BMP7: variants seen among roughly 807,000 people sequenced by gnomAD.
BMP7 encodes bone morphogenetic protein 7.
In BMP7, 12 loss-of-function variants were observed where a neutral mutation model predicts 41.2. That is an observed-to-expected ratio of 0.29 (90% CI 0.19 to 0.47). BMP7 has a LOEUF of 0.47. BMP7 is among the 20% of genes least tolerant of loss of function. BMP7 has a pLI of 0.99. For synonymous variants in BMP7, 248 were observed against 250.0 expected, an observed-to-expected ratio of 0.99 and a Z score of 0.07; for missense variants, 467 against 606.0, an observed-to-expected ratio of 0.77 and a Z score of 2.41.
intron 2 of BMP7, among the ~76,000 whole-genome samples, chr20:57,218,418 T>TTGTTTGGTGGTAGCTGGTGTG (rs1985084812): frequency 6.8e-6 from 1 of 146,798 alleles, no homozygotes; most frequent in Non-Finnish European, 1.5e-5. Flanking sequence ...TAGCTGGTGT[T>TTGTTTGGTGGTAGCTGGTGTG]TGTTTGGTGG....
intron 4 of BMP7, 56 bp from the exon 5 acceptor site, chr20:57,175,063 C>T: frequency 6.5e-7 from 1 of 1,532,898 alleles, no homozygotes; most frequent in Non-Finnish European, 8.9e-7. Context: ...GAAACACACA[C>T]ACATCAAAGT....
rs1474279319 is a variant in BMP7, at chr20:57,261,200, G to T, written c.418+4505C>A. ...GCTGTGTTTATCTCGGCAAAGGCTTGAGAGCCTACTACGCCATGGTAAAGC... is the reference window on the plus strand; with the variant it reads ...GCTGTGTTTATCTCGGCAAAGGCTTTAGAGCCTACTACGCCATGGTAAAGC... On this transcript the variant is annotated intron_variant, in intron 1 of 6. Transcript: ENST00000395863. The surrounding 1 kb of genome is among the most constrained non-coding windows in gnomAD (Gnocchi z 4.1). Among the ~76,000 whole-genome samples the T allele has an allele frequency of 2.0e-5, 3 of 152,148 alleles. No homozygotes were observed. Among genetic ancestry groups the T allele is most frequent in the Admixed American group, 1.3e-4 (2 of 15,280 alleles).
chr20:57,198,139 C>G (rs890995659), intron 3 of BMP7, among the ~76,000 whole-genome samples: 1 of 140,876 alleles, frequency 7.1e-6, no homozygotes, highest in Non-Finnish European at 1.6e-5. Flanking sequence ...CCTCTCCTCT[C>G]GCTCTCCTCT....
chr20:57,176,749 TTCACACACACAC>T (rs1181184883), intron 4 of BMP7, among the ~76,000 whole-genome samples: 1 of 28,132 alleles, frequency 3.6e-5, no homozygotes, highest in Non-Finnish European at 8.4e-5. Flanking sequence ...ACATTCTCCA[TTCACACACACAC>T]ACACACACAC....
intron 3 of BMP7, among the ~76,000 whole-genome samples, chr20:57,192,092 A>G (rs1984375337): frequency 8.1e-6 from 1 of 124,178 alleles, no homozygotes; most frequent in Admixed American, 9.1e-5. Context: ...ATTTATTTAT[A>G]TTTATAAATT....
intron 1 of BMP7, among the ~76,000 whole-genome samples, chr20:57,242,597 T>A (rs1163815945): frequency 2.6e-5 from 4 of 152,242 alleles, no homozygotes; most frequent in African/African-American, 9.6e-5. Flanking sequence ...GGAGGCTCTA[T>A]CTGTGCTGTC....
intron 2 of BMP7, among the ~76,000 whole-genome samples, chr20:57,209,402 G>A (rs1041363296): frequency 6.6e-6 from 1 of 151,124 alleles, no homozygotes. Flanking sequence ...CTGTGATCAC[G>A]CTATTGCACT....
intron 3 of BMP7, among the ~76,000 whole-genome samples, chr20:57,196,034 T>G (rs919147303): frequency 1.3e-5 from 2 of 152,122 alleles, no homozygotes; most frequent in Non-Finnish European, 2.9e-5. Flanking sequence ...CCGATCATCT[T>G]CTTGGATCTG....
At chr20:57,193,437 A>C (rs1180712288) in intron 3 of BMP7, among the ~76,000 whole-genome samples, 1 of 152,152 alleles carries the variant, frequency 6.6e-6, no homozygotes, top group African/African-American at 2.4e-5. Context: ...CAGTAGTGCC[A>C]AGGCTGGGAA....
chr20:57,266,522 C>A lies in BMP7; in HGVS notation c.-400G>T. ...TTCCCGCTCCTCTGGCGCTCTCGCC[C>A]TCGGGCGGCGGCAACCCACCCTCTT... On this transcript the variant is annotated 5_prime_UTR_variant, in exon 1 of 7. In the 5' UTR this introduces an upstream ATG that the reference lacks. Coordinates refer to ENST00000395863, the MANE Select transcript of BMP7 (RefSeq NM_001719.3). The A allele has an allele frequency of 6.4e-6, 1 of 156,792 alleles. No individual in the cohort carries two copies. Among genetic ancestry groups the A allele is most frequent in the Non-Finnish European group, 1.4e-5 (1 of 71,096 alleles). The allele number at this position is 156,792 out of a possible 1,614,324, so 9.7% of individuals were successfully genotyped here.
rs140073062 is a variant in BMP7, at chr20:57,187,554, CCTCTCTCT to C, written c.761-3643_761-3636del. ...CTCTAGTGTCCAGAAGGAAGCCTGC[CCTCTCTCT>C]CTCTCTCTCTCTCTCTCTCTCTACA... On this transcript the variant is annotated intron_variant, in intron 3 of 6. Coordinates refer to ENST00000395863, the MANE Select transcript of BMP7 (RefSeq NM_001719.3). Among the ~76,000 whole-genome samples the C allele has an allele frequency of 2.7e-4, 39 of 144,106 alleles. No homozygotes were observed. In the Middle Eastern group the frequency reaches 0.011, roughly 39 times the overall value. 94.5% of individuals were successfully genotyped at this position (144,106 alleles called of 152,430 possible). A position where few individuals can be genotyped will look rare whatever the true frequency, so the allele number is the denominator to read the frequency against.
intron 2 of BMP7, among the ~76,000 whole-genome samples, chr20:57,208,109 G>A (rs572045976): frequency 1.3e-5 from 2 of 152,280 alleles, no homozygotes; most frequent in African/African-American, 4.8e-5. Flanking sequence ...GATTACAGGC[G>A]TGAGCCACCG....
At chr20:57,172,577 TAACCAA>T (rs1482974997) in intron 6 of BMP7, among the ~76,000 whole-genome samples, 1 of 152,184 alleles carries the variant, frequency 6.6e-6, no homozygotes, top group African/African-American at 2.4e-5. Context: ...GGGAGCTACA[TAACCAA>T]GGTCCTTGAA....
intron 1 of BMP7, among the ~76,000 whole-genome samples, chr20:57,260,153 C>T (rs1044018496): frequency 2.0e-5 from 3 of 152,208 alleles, no homozygotes; most frequent in Non-Finnish European, 2.9e-5. Context: ...GTACATGACC[C>T]TTGCATGCTG....
chr20:57,265,164 C>T (rs1202592599), intron 1 of BMP7, among the ~76,000 whole-genome samples: 2 of 152,264 alleles, frequency 1.3e-5, no homozygotes, highest in Non-Finnish European at 2.9e-5. Context: ...GGGCATCCGG[C>T]GGCCCGGAGA....
chr20:57,188,442 A>G (rs1984271248), intron 3 of BMP7, among the ~76,000 whole-genome samples: 1 of 151,678 alleles, frequency 6.6e-6, no homozygotes, highest in Admixed American at 6.6e-5. Flanking sequence ...GCCTAGAGCT[A>G]GGGGTTGGGG....
At chr20:57,172,789 C>A (rs1366321786) in intron 6 of BMP7, among the ~76,000 whole-genome samples, 1 of 152,160 alleles carries the variant, frequency 6.6e-6, no homozygotes, top group Non-Finnish European at 1.5e-5. Flanking sequence ...ATCTCTCCAT[C>A]CCATTATCCT....
chr20:57,231,098 C>T (rs2066027800), intron 1 of BMP7, among the ~76,000 whole-genome samples: 1 of 152,220 alleles, frequency 6.6e-6, no homozygotes, highest in Non-Finnish European at 1.5e-5. Context: ...CCCTTTCCCA[C>T]CCTGGACTTC....
chr20:57,200,338 G>A (rs1377272694), intron 3 of BMP7, among the ~76,000 whole-genome samples: 2 of 152,184 alleles, frequency 1.3e-5, no homozygotes, highest in Non-Finnish European at 2.9e-5. Context: ...GCCTGGCTCG[G>A]GAGCCCGAGC....
Sources: allele counts gnomAD v4.1 joint callset (sites outside exome capture counted in the v4.1 genomes callset), GRCh38; gene constraint gnomAD v4.1.1; non-coding constraint Gnocchi (gnomAD v3.1); transcripts MANE v1.5; gene names NCBI Gene and HGNC (gene_info 2026-07-23, HGNC 2026-07-21).